Variants in PDZRN4 observed in about 807,000 individuals in gnomAD.
The protein encoded by PDZRN4 is PDZ domain containing ring finger 4, also known as PDZ domain-containing RING finger protein 4.
In PDZRN4, 70 loss-of-function variants were observed where a neutral mutation model predicts 99.0. That is an observed-to-expected ratio of 0.71 (90% confidence interval 0.58 to 0.86). The LOEUF is 0.86. Ranked by LOEUF, PDZRN4 falls within the 40% of genes least tolerant of loss-of-function variation. The pLI, the probability that PDZRN4 is intolerant of heterozygous loss-of-function variation, is 0.00. For synonymous variants in PDZRN4, 551 were observed against 501.6 expected, an observed-to-expected ratio of 1.10 and a Z score of -1.32; for missense variants, 1,474 against 1,331.2, an observed-to-expected ratio of 1.11 and a Z score of -1.67.
At chr12:41,477,752 AT>A (rs1239097829) in intron 3 of PDZRN4, 3 of 711,738 alleles carry the variant, frequency 4.2e-6, no homozygotes, top group Non-Finnish European at 7.5e-6. Context: ...CCAAATAAAA[AT>A]ATCCTAGAAT....
chr12:41,288,567 C>T (rs528319447), intron 3 of PDZRN4, among the ~76,000 whole-genome samples: 115 of 151,536 alleles, frequency 7.6e-4, no homozygotes, highest in Middle Eastern at 6.8e-3. Context: ...AAATAGAAGT[C>T]GTTCTGTAAT....
chr12:41,440,896 C>T (rs74078852), intron 3 of PDZRN4, among the ~76,000 whole-genome samples: 1,721 of 152,156 alleles, frequency 0.011, 27 homozygotes, highest in African/African-American at 0.039. Context: ...AACTGAACTG[C>T]CTGTTTCTTA....
chr12:41,543,530 G>A (rs1427408745), intron 5 of PDZRN4, among the ~76,000 whole-genome samples: 1 of 152,128 alleles, frequency 6.6e-6, no homozygotes, highest in African/African-American at 2.4e-5. Flanking sequence ...ATGCTTAAGG[G>A]AAAAAGGAGT....
intron 3 of PDZRN4, among the ~76,000 whole-genome samples, chr12:41,216,530 A>C (rs559487438): frequency 1.5e-4 from 23 of 152,182 alleles, no homozygotes; most frequent in Non-Finnish European, 2.5e-4. Flanking sequence ...AAAACCAGGA[A>C]AAACTTTGAG....
chr12:41,323,956 TA>T (rs1041149585), intron 3 of PDZRN4, among the ~76,000 whole-genome samples: 52 of 152,152 alleles, frequency 3.4e-4, no homozygotes, highest in African/African-American at 1.2e-3. Context: ...CTCTTAAACG[TA>T]AACAACTGTT....
intron 3 of PDZRN4, among the ~76,000 whole-genome samples, chr12:41,462,994 A>C (rs1318732520): frequency 6.6e-6 from 1 of 152,196 alleles, no homozygotes; most frequent in Non-Finnish European, 1.5e-5. Flanking sequence ...GCTTCTGTCC[A>C]TGATAGGCAC....
At chr12:41,342,785 G>T (rs138332612) in intron 3 of PDZRN4, among the ~76,000 whole-genome samples, 1 of 152,024 alleles carries the variant, frequency 6.6e-6, no homozygotes, top group African/African-American at 2.4e-5. Flanking sequence ...CAGCCACTAT[G>T]AAAAAGAGAT....
intron 3 of PDZRN4, among the ~76,000 whole-genome samples, chr12:41,461,419 G>A (rs1400645054): frequency 6.6e-6 from 1 of 152,000 alleles, no homozygotes; most frequent in Non-Finnish European, 1.5e-5. Context: ...TCCTCTATGT[G>A]TCCATGTGTT....
rs74953102 is a variant in PDZRN4, at chr12:41,502,399, C to G, written c.844-4057C>G. Among the ~76,000 whole-genome samples the G allele has an allele frequency of 8.4e-3, 1,281 of 152,264 alleles. 16 individuals are homozygous for G. Among genetic ancestry groups the G allele is most frequent in the African/African-American group, 0.029 (1,212 of 41,548 alleles). On this transcript the variant is annotated intron_variant, in intron 3 of 9. Coordinates refer to ENST00000402685, the MANE Select transcript of PDZRN4 (RefSeq NM_001164595.2). ...ATAACAACCGTTTTGGAAAAAGGCT[C>G]TTTTCCTATGGTATGCTTAAATCAA...
chr12:41,381,291 G>C (rs1364301776), intron 3 of PDZRN4, among the ~76,000 whole-genome samples: 1 of 151,926 alleles, frequency 6.6e-6, no homozygotes, highest in Non-Finnish European at 1.5e-5. Context: ...TCTTTAAATA[G>C]ACTTTCTGCA....
intron 2 of PDZRN4, among the ~76,000 whole-genome samples, chr12:41,193,500 C>T (rs544187376): frequency 5.9e-5 from 9 of 152,220 alleles, no homozygotes; most frequent in South Asian, 2.1e-4. Context: ...AAATATGTAA[C>T]GATGAGTTTG....
At chr12:41,484,394 T>C (rs1223067208) in intron 3 of PDZRN4, among the ~76,000 whole-genome samples, 1 of 152,296 alleles carries the variant, frequency 6.6e-6, no homozygotes, top group Non-Finnish European at 1.5e-5. Context: ...TTTTGGCATG[T>C]TAGTAAAGTC....
chr12:41,191,468 A>T lies in PDZRN4; in HGVS notation c.659A>T (p.His220Leu). 2 of 1,533,194 alleles carry T rather than the reference A, an allele frequency of 1.3e-6. No individual in the cohort carries two copies. Among genetic ancestry groups the T allele is most frequent in the Non-Finnish European group, 1.8e-6 (2 of 1,121,040 alleles). The allele number at this position is 1,533,194 out of a possible 1,614,324, so 95.0% of individuals were successfully genotyped here. A position where few individuals can be genotyped will look rare whatever the true frequency, so the allele number is the denominator to read the frequency against. ...LGGGHRRDGE[H>L]KPFTIVLERE... is the part of the protein sequence containing the mutation. ...TACATTTTTTTCTAGGATGGAGAGC[A>T]TAAGCCATTCACTATTGTGTTAGAA... The change falls in exon 2 of 10, where the codon CAT becomes CTT. Residue 220 changes from histidine (H) to leucine (L), a missense_variant. Physicochemically the swap from His to Leu is moderately conservative, Grantham distance 99 (BLOSUM62 -3). Coordinates refer to ENST00000402685, the MANE Select transcript of PDZRN4 (RefSeq NM_001164595.2).
intron 3 of PDZRN4, among the ~76,000 whole-genome samples, chr12:41,349,963 G>GGTAT (rs1565559066): frequency 1.3e-5 from 2 of 151,550 alleles, no homozygotes; most frequent in African/African-American, 4.8e-5. Flanking sequence ...TGGAGTAAAG[G>GGTAT]GTACAGGAGC....
At chr12:41,276,523 T>G (rs2120873493) in intron 3 of PDZRN4, among the ~76,000 whole-genome samples, 1 of 152,288 alleles carries the variant, frequency 6.6e-6, no homozygotes, top group East Asian at 1.9e-4. Context: ...CATATATTCA[T>G]ACATCATATT....
intron 1 of PDZRN4, among the ~76,000 whole-genome samples, chr12:41,190,773 T>A (rs1329309730): frequency 6.6e-6 from 1 of 152,218 alleles, no homozygotes; most frequent in African/African-American, 2.4e-5. Flanking sequence ...CACTAATTCA[T>A]CCTATGTGTA....
chr12:41,340,718 AACATACCCAG>A (rs1951810005), intron 3 of PDZRN4, among the ~76,000 whole-genome samples: 1 of 151,822 alleles, frequency 6.6e-6, no homozygotes, highest in South Asian at 2.1e-4. Flanking sequence ...ATGTTGCTAC[AACATACCCAG>A]ACATTTTTTA....
chr12:41,443,329 T>A (rs1187955770), intron 3 of PDZRN4, among the ~76,000 whole-genome samples: 1 of 151,624 alleles, frequency 6.6e-6, no homozygotes, highest in Non-Finnish European at 1.5e-5. Context: ...GATGAAAGGG[T>A]TTTTAAAAAG....
At chr12:41,252,732 T>G (rs1463051547) in intron 3 of PDZRN4, among the ~76,000 whole-genome samples, 1 of 152,018 alleles carries the variant, frequency 6.6e-6, no homozygotes, top group Non-Finnish European at 1.5e-5. Context: ...ACAGCAAGAC[T>G]CTGAATAAAA....
Sources: allele counts gnomAD v4.1 joint callset (sites outside exome capture counted in the v4.1 genomes callset), GRCh38; gene constraint gnomAD v4.1.1; transcripts MANE v1.5; gene names NCBI Gene and HGNC (gene_info 2026-07-23, HGNC 2026-07-21).